The following UBR4 variants were observed in gnomAD, a reference collection of about 807,000 sequenced individuals.
UBR4 encodes ubiquitin protein ligase E3 component n-recognin 4.
Under a neutral mutation model 575.6 loss-of-function variants are expected in UBR4, and 124 were observed. The ratio of observed to expected loss-of-function variants is 0.22; its 90% CI spans 0.19 to 0.25. The LOEUF is 0.25. UBR4 is among the 10% of genes least tolerant of loss of function. The probability of loss-of-function intolerance (pLI) is 1.00; values close to 1 mark genes in which losing one functional copy is unlikely to be tolerated. For synonymous variants in UBR4, 2,455 were observed against 2,473.7 expected (o/e 0.99, Z 0.22); for missense variants, 4,818 against 6,478.8 (o/e 0.74, Z 8.80).
intron 90 of UBR4, 142 bp from the exon 91 acceptor site, chr1:19,097,422 C>A: frequency 1.8e-6 from 1 of 569,574 alleles, no homozygotes; most frequent in Middle Eastern, 2.8e-4. Flanking sequence ...CATCTAGAAT[C>A]CAAATGCACA....
At position 19,177,548 on chromosome 1, in the gene UBR4, G is replaced by A. The variant is rs769350064; in HGVS notation, c.2550C>T (p.Phe850=). 42 of 1,613,914 alleles carry A rather than the reference G, an allele frequency of 2.6e-5. No homozygotes were observed. Among genetic ancestry groups the A allele is most frequent in the Admixed American group, 6.7e-5 (4 of 59,972 alleles). Residue 850 remains phenylalanine, a synonymous_variant, in exon 19 of 106, where the codon TTC becomes TTT. Transcript: ENST00000375254. ...GGAGGCGAGCCAAGATAAGCGGCACGAAGCGCATCTGAGCATCCATGTTGA... is the reference window on the plus strand; with the variant it reads ...GGAGGCGAGCCAAGATAAGCGGCACAAAGCGCATCTGAGCATCCATGTTGA... ...LSVNMDAQMR[F]VPLILARLLL...
rs1189283114 is a variant in UBR4 at position 19,155,681 on chromosome 1, A to C, written c.6073-13T>G. The C allele has an allele frequency of 1.9e-6, 3 of 1,606,140 alleles. No homozygotes were observed. Among genetic ancestry groups the C allele is most frequent in the Admixed American group, 1.7e-5 (1 of 59,904 alleles). ...ACAGGTCATAAATCTGCAGGATGGA[A>C]GAAAAATTAAATAAGGGAAATCTAT... is the stretch of plus-strand genomic sequence containing the variant. On this transcript the variant is annotated splice_polypyrimidine_tract_variant and intron_variant, in intron 42 of 105. Transcript: ENST00000375254.
Position 19,088,008 on chromosome 1 carries a change from A to C in UBR4, c.14431-79T>G. ...CCCTAGCTTGGAGATGCTCAGGAAC[A>C]GGGCTAACCTTCTACCTCCACTAAA... On this transcript the variant is annotated intron_variant, in intron 98 of 105. Coordinates refer to ENST00000375254, the MANE Select transcript of UBR4 (RefSeq NM_020765.3). The surrounding 1 kb of genome is among the most constrained non-coding windows in gnomAD (Gnocchi z 4.0). The C allele has an allele frequency of 8.9e-7, 1 of 1,118,274 alleles. No homozygotes were observed. The highest frequency in any genetic ancestry group is 1.3e-6 in the Non-Finnish European group (1 of 755,402). The allele number at this position is 1,118,274 out of a possible 1,614,324, so 69.3% of individuals were successfully genotyped here.
intron 65 of UBR4, 80 bp downstream of exon 65, chr1:19,124,460 AT>A (rs2081514899): frequency 8.4e-6 from 13 of 1,552,592 alleles, no homozygotes; most frequent in African/African-American, 1.4e-5. Context: ...CCAAGTAAGG[AT>A]GAGGAAGAAA....
intron 87 of UBR4, among the ~76,000 whole-genome samples, chr1:19,103,354 C>T (rs1318595123): frequency 6.6e-6 from 1 of 152,096 alleles, no homozygotes; most frequent in African/African-American, 2.4e-5. Flanking sequence ...CATCTGGGGT[C>T]GGGAGTTCGA....
At position 19,115,547 on chromosome 1, in the gene UBR4, G is replaced by A. The variant is rs546899830; in HGVS notation, c.10914C>T (p.Ser3638=). 1.9e-6 allele frequency: 3 copies of A among 1,614,178 alleles called. No homozygotes were observed. In the South Asian group the frequency reaches 3.3e-5, roughly 18 times the overall value. Residue 3638 remains serine, a synonymous_variant, in exon 74 of 106, where the codon TCC becomes TCT. Transcript: ENST00000375254. ...AGTCTGCAAACTCAATCATCAGATT[G>A]GAGGCCACAATGGGCAACGGCAGGT... The part of the protein sequence containing the change: ...KIDLPLPIVA[S]NLMIEFADFY...
At chr1:19,173,361 T>C in intron 23 of UBR4, 55 bp from the exon 24 acceptor site, 1 of 1,611,266 alleles carries the variant, frequency 6.2e-7, no homozygotes, top group South Asian at 1.1e-5. Context: ...AAAGCTTTCA[T>C]TATCTTCAAA....
chr1:19,184,678 G>A (rs190077819), intron 15 of UBR4, among the ~76,000 whole-genome samples: 19 of 152,104 alleles, frequency 1.2e-4, no homozygotes, highest in Admixed American at 3.9e-4. Context: ...TCATCAGAAC[G>A]GGGACTGACA....
intron 78 of UBR4, 47 bp downstream of exon 78, chr1:19,112,477 G>A: frequency 2.6e-6 from 4 of 1,550,686 alleles, no homozygotes; most frequent in Non-Finnish European, 1.7e-6. Context: ...ATGGCTGCCA[G>A]TGTCAGTAGG....
chr1:19,086,729 G>C lies in UBR4; in HGVS notation c.14637C>G (p.Thr4879=). The C allele has an allele frequency of 6.2e-7, 1 of 1,614,242 alleles. No homozygotes were observed. The highest frequency in any genetic ancestry group is 8.5e-7 in the Non-Finnish European group (1 of 1,180,046). Reference sequence around the variant, plus strand: ...AGTGCACAATGTTGAAGTGGGACACGGTGCTGTAGCCCTGCTGTTTCCGGG... The same window carrying C: ...AGTGCACAATGTTGAAGTGGGACACCGTGCTGTAGCCCTGCTGTTTCCGGG... ...NKPRKQQGYS[T]VSHFNIVHYD... Residue 4879 remains threonine (T), a synonymous_variant, in exon 100 of 106, where the codon ACC becomes ACG. Transcript: ENST00000375254.
intron 84 of UBR4, 68 bp downstream of exon 84, chr1:19,105,665 C>T: frequency 2.5e-6 from 3 of 1,211,110 alleles, no homozygotes; most frequent in Non-Finnish European, 3.4e-6. Context: ...TCCATGGATT[C>T]CCCGGGGAAG....
intron 90 of UBR4, 24 bp from the exon 91 acceptor site, chr1:19,097,304 G>C: frequency 6.2e-7 from 1 of 1,608,044 alleles, no homozygotes; most frequent in Non-Finnish European, 8.5e-7. Context: ...GTTGGAGAAA[G>C]GTACTTAAAA....
chr1:19,164,139 C>T (rs553308614), intron 33 of UBR4, 114 bp downstream of exon 33: 106 of 1,290,520 alleles, frequency 8.2e-5, no homozygotes, highest in Non-Finnish European at 1.0e-4. Flanking sequence ...CTCCCAAACT[C>T]CAATGAAAGG....
chr1:19,085,097 G>GT (rs1424881200), intron 101 of UBR4, among the ~76,000 whole-genome samples: 2 of 152,210 alleles, frequency 1.3e-5, no homozygotes, highest in African/African-American at 2.4e-5. Flanking sequence ...AAATAAAAGG[G>GT]TTTTTTGTTT....
At chr1:19,162,295 TG>T in intron 35 of UBR4, 124 bp downstream of exon 35, 1 of 1,204,910 alleles carries the variant, frequency 8.3e-7, no homozygotes, top group Non-Finnish European at 1.1e-6. Flanking sequence ...AATTGGGGCC[TG>T]GCAGCAACAA....
Position 19,139,302 on chromosome 1 carries a change from G to A in UBR4, c.8594-82C>T. 1 of 1,493,458 alleles carries A rather than the reference G, an allele frequency of 6.7e-7. No individual in the cohort carries two copies. Among genetic ancestry groups the A allele is most frequent in the East Asian group, 2.4e-5 (1 of 42,152 alleles). The allele number at this position is 1,493,458 out of a possible 1,614,324, so 92.5% of individuals were successfully genotyped here. On this transcript the variant is annotated intron_variant, in intron 58 of 105. Coordinates refer to ENST00000375254, the MANE Select transcript of UBR4 (RefSeq NM_020765.3). This position sits in a 1 kb window ranked among gnomAD's most constrained non-coding sequence, Gnocchi z 4.2. ...CAAAAAACAAAAAAAACCCCTCCTT[G>A]GGATGAAAGCATCAAACCACATAGT...
rs903299971 is a variant in UBR4 at position 19,150,205 on chromosome 1, A to G, written c.7430+372T>C. Among the ~76,000 whole-genome samples, 16 of 152,284 alleles carry G rather than the reference A, an allele frequency of 1.1e-4. No homozygotes were observed. In the East Asian group the frequency reaches 2.5e-3, roughly 24 times the overall value. On this transcript the variant is annotated intron_variant, in intron 49 of 105. Transcript: ENST00000375254. Reference sequence around the variant, plus strand: ...CTACGCAGAGAAAGATGATGAAAAGATGATGAGCTCAGAATGGAAGGGAGG... The same window carrying G: ...CTACGCAGAGAAAGATGATGAAAAGGTGATGAGCTCAGAATGGAAGGGAGG...
In UBR4 at chr1:19,114,002, C is replaced by T. The variant is rs2080199142; in HGVS notation, c.11271G>A (p.Arg3757=). 6.2e-7 allele frequency: 1 copy of T among 1,614,206 alleles called. No homozygotes were observed. Among genetic ancestry groups the T allele is most frequent in the Non-Finnish European group, 8.5e-7 (1 of 1,180,036 alleles). ...TGCAGAGCAGGTTCTCCAGCTGTGG[C>T]CGGTGTCCCATCAGCTGATGATACA... ...DRVYHQLMGH[R]PQLENLLCKV... is the part of the protein sequence containing the mutation. The change falls in exon 76 of 106, where the codon CGG becomes CGA. Residue 3757 remains arginine (R), a synonymous_variant. Transcript: ENST00000375254.
At chr1:19,120,114 T>C (rs576056733) in intron 69 of UBR4, 66 bp downstream of exon 69, 12 of 1,562,940 alleles carry the variant, frequency 7.7e-6, no homozygotes, top group Admixed American at 3.5e-5. Flanking sequence ...GAAAACAAAA[T>C]AGAACTGCAT....
Sources: allele counts gnomAD v4.1 joint callset (sites outside exome capture counted in the v4.1 genomes callset), GRCh38; gene constraint gnomAD v4.1.1; non-coding constraint Gnocchi (gnomAD v3.1); transcripts MANE v1.5; gene names NCBI Gene and HGNC (gene_info 2026-07-23, HGNC 2026-07-21).